GFRA1: variants seen among roughly 807,000 people sequenced by gnomAD.
GFRA1 encodes GDNF family receptor alpha 1.
GFRA1 carries 16 observed loss-of-function variants against 51.6 expected under a neutral mutation model. The observed-to-expected ratio is 0.31, with a 90% CI of 0.21 to 0.47. GFRA1 has a LOEUF of 0.47. Ranked by LOEUF, GFRA1 falls within the 20% of genes least tolerant of loss-of-function variation. The pLI is 1.00. For missense variants in GFRA1, 530 were observed against 594.3 expected (o/e 0.89, Z 1.13); for synonymous variants, 270 against 241.3 (o/e 1.12, Z -1.10).
At chr10:116,147,453 T>C (rs1958854995) in intron 5 of GFRA1, among the ~76,000 whole-genome samples, 1 of 152,096 alleles carries the variant, frequency 6.6e-6, no homozygotes, top group Non-Finnish European at 1.5e-5. Context: ...TGAGTCCTTT[T>C]TTTTTCCTGG....
At chr10:116,188,628 G>T (rs540781422) in intron 5 of GFRA1, among the ~76,000 whole-genome samples, 18 of 152,306 alleles carry the variant, frequency 1.2e-4, no homozygotes, top group Admixed American at 1.0e-3. Context: ...GTTGGGCCGG[G>T]CACGGTGGCT....
Position 116,272,073 on chromosome 10 carries a change from G to A in GFRA1, c.-44C>T, listed in dbSNP as rs1002485279. On this transcript the variant is annotated 5_prime_UTR_variant, in exon 2 of 11. Transcript: ENST00000355422. This position sits in a 1 kb window ranked among gnomAD's most constrained non-coding sequence, Gnocchi z 4.4. The stretch of plus-strand genomic sequence containing the variant: ...GTCCCCGCCCCCCCAAAAAAATCCC[G>A]AGCCGCCGCTGGGTCTTGCCGAGGG... 6.6e-7 allele frequency: 1 copy of A among 1,513,434 alleles called. No homozygotes were observed. The highest frequency in any genetic ancestry group is 9.0e-7 in the Non-Finnish European group (1 of 1,114,692). The allele number at this position is 1,513,434 out of a possible 1,614,324, so 93.8% of individuals were successfully genotyped here.
At position 116,200,493 on chromosome 10, in the gene GFRA1, T is replaced by C. The variant is rs1293129915; in HGVS notation, c.433+11138A>G. ...GAGATTAGTGAGTATGTAACTCTTA[T>C]GGGGTTTCTCTTAGTCAGCCTGATC... On this transcript the variant is annotated intron_variant, in intron 5 of 10. Coordinates refer to ENST00000355422, the MANE Select transcript of GFRA1 (RefSeq NM_005264.8). 2.5e-4 allele frequency among the ~76,000 whole-genome samples: 38 copies of C among 152,234 alleles called. 2 individuals carry two copies. Among genetic ancestry groups the C allele is most frequent in the Admixed American group, 2.3e-3 (35 of 15,286 alleles).
At chr10:116,268,230 C>T (rs1432066623) in intron 4 of GFRA1, among the ~76,000 whole-genome samples, 2 of 152,152 alleles carry the variant, frequency 1.3e-5, no homozygotes, top group Non-Finnish European at 2.9e-5. Flanking sequence ...CTGGTTCTAC[C>T]ATTTAAGACT....
chr10:116,136,498 C>T (rs1466501566), intron 5 of GFRA1, among the ~76,000 whole-genome samples: 2 of 152,220 alleles, frequency 1.3e-5, no homozygotes, highest in Non-Finnish European at 2.9e-5. Context: ...TCCCCCTCCA[C>T]TTTGCACCAG....
chr10:116,195,703 C>A (rs1481738115), intron 5 of GFRA1, among the ~76,000 whole-genome samples: 1 of 152,186 alleles, frequency 6.6e-6, no homozygotes, highest in Admixed American at 6.5e-5. Flanking sequence ...TTGTAGAGGA[C>A]AAACTGATTG....
chr10:116,090,754 T>TA (rs1263839125), intron 8 of GFRA1, among the ~76,000 whole-genome samples: 4 of 152,292 alleles, frequency 2.6e-5, no homozygotes, highest in South Asian at 4.1e-4. Context: ...ATATTCATTG[T>TA]ATAAAAAACC....
At chr10:116,150,062 G>C (rs1483768490) in intron 5 of GFRA1, among the ~76,000 whole-genome samples, 1 of 152,146 alleles carries the variant, frequency 6.6e-6, no homozygotes, top group Admixed American at 6.5e-5. Flanking sequence ...TTTCGACACT[G>C]TTCCTCCATT....
chr10:116,198,670 A>G lies in GFRA1; in HGVS notation c.433+12961T>C, dbSNP rs188768190. Among the ~76,000 whole-genome samples, 720 of 151,972 alleles carry G rather than the reference A, an allele frequency of 4.7e-3. 6 individuals are homozygous for G. Among genetic ancestry groups the G allele is most frequent in the African/African-American group, 0.017 (684 of 41,416 alleles). On this transcript the variant is annotated intron_variant, in intron 5 of 10. Transcript: ENST00000355422. ...CAAATGTAAACTGGTTTCCTTTTCT[A>G]TCTTCCTCAGGGTGTCCTCCCTGTC...
intron 4 of GFRA1, among the ~76,000 whole-genome samples, chr10:116,246,229 AG>A (rs1305376085): frequency 1.3e-5 from 2 of 152,188 alleles, no homozygotes; most frequent in Admixed American, 6.5e-5. Flanking sequence ...CAGGAGTTCG[AG>A]ACCAGCCTGG....
chr10:116,176,609 A>G (rs1961625132), intron 5 of GFRA1, among the ~76,000 whole-genome samples: 1 of 152,044 alleles, frequency 6.6e-6, no homozygotes, highest in South Asian at 2.1e-4. Context: ...TGCTTCCTGT[A>G]CAGCCCCCAG....
At chr10:116,256,096 C>A (rs188761954) in intron 4 of GFRA1, among the ~76,000 whole-genome samples, 2 of 152,202 alleles carry the variant, frequency 1.3e-5, no homozygotes, top group African/African-American at 4.8e-5. Context: ...TGAAACATTC[C>A]GTAAGTGTTA....
chr10:116,213,401 A>G (rs1322867489), intron 4 of GFRA1, among the ~76,000 whole-genome samples: 1 of 152,192 alleles, frequency 6.6e-6, no homozygotes, highest in Non-Finnish European at 1.5e-5. Context: ...TATAATCCTG[A>G]GCCCATCTGT....
At chr10:116,119,297 C>T (rs771552490) in intron 6 of GFRA1, among the ~76,000 whole-genome samples, 1 of 152,124 alleles carries the variant, frequency 6.6e-6, no homozygotes, top group Non-Finnish European at 1.5e-5. Context: ...AGGAGTCCAG[C>T]GGCCCCCAGA....
chr10:116,082,990 A>G (rs369184774), intron 9 of GFRA1, among the ~76,000 whole-genome samples: 3 of 152,158 alleles, frequency 2.0e-5, no homozygotes, highest in African/African-American at 7.2e-5. Context: ...GGCTCTTTGC[A>G]TACTTGCACT....
In GFRA1 at chr10:116,123,528, C is replaced by T. The variant is rs182383642; in HGVS notation, c.770+1693G>A. ...CTGGTTTAAGGAAAGAGTGGGTTCC[C>T]ATTCTACCAGAATAAAACTTAAGTT... On this transcript the variant is annotated intron_variant, in intron 6 of 10. Transcript: ENST00000355422. 1.2e-3 allele frequency among the ~76,000 whole-genome samples: 188 copies of T among 152,114 alleles called. 1 individual carries two copies. Among genetic ancestry groups the T allele is most frequent in the African/African-American group, 4.4e-3 (181 of 41,510 alleles).
rs766416686 is a variant in GFRA1, at chr10:116,093,840, AAAG to A, written c.881-7_881-5del. On this transcript the variant is annotated splice_polypyrimidine_tract_variant and splice_region_variant and intron_variant, in intron 7 of 10. Transcript: ENST00000355422. ...TAGTTGGGGGTCATGACTGTGCCTA[AAAG>A]AATAAAAACAAGGCATTTTATTGTT... 8 of 1,613,896 alleles carry A rather than the reference AAAG, an allele frequency of 5.0e-6. No homozygotes were observed. Among genetic ancestry groups the A allele is most frequent in the Non-Finnish European group, 6.8e-6 (8 of 1,179,866 alleles).
chr10:116,139,217 C>T (rs904344244), intron 5 of GFRA1, among the ~76,000 whole-genome samples: 13 of 152,162 alleles, frequency 8.5e-5, no homozygotes, highest in Non-Finnish European at 2.9e-5. Context: ...ATTACTTTTG[C>T]ACCAACCTAA....
intron 4 of GFRA1, among the ~76,000 whole-genome samples, chr10:116,260,384 G>A (rs1969210257): frequency 6.6e-6 from 1 of 152,128 alleles, no homozygotes; most frequent in East Asian, 1.9e-4. Flanking sequence ...ATATACAAGT[G>A]TATGTATGCC....
Sources: allele counts gnomAD v4.1 joint callset (sites outside exome capture counted in the v4.1 genomes callset), GRCh38; gene constraint gnomAD v4.1.1; non-coding constraint Gnocchi (gnomAD v3.1); transcripts MANE v1.5; gene names NCBI Gene and HGNC (gene_info 2026-07-23, HGNC 2026-07-21).